Variants in TEX36 observed in about 807,000 individuals in gnomAD.
TEX36 encodes testis expressed 36.
Under a neutral mutation model 13.6 loss-of-function variants are expected in TEX36, and 12 were observed. The ratio of observed to expected loss-of-function variants is 0.88; its 90% CI spans 0.56 to 1.43. TEX36 has a LOEUF of 1.43. TEX36 is among the 40% of genes most tolerant of loss of function. TEX36 has a pLI of 0.00. For synonymous variants in TEX36, 93 were observed against 83.0 expected (o/e 1.12, Z -0.65); for missense variants, 224 against 228.3 (o/e 0.98, Z 0.12).
intron 3 of TEX36, among the ~76,000 whole-genome samples, chr10:125,644,226 GGAA>G (rs1846733506): frequency 6.6e-6 from 1 of 152,178 alleles, no homozygotes; most frequent in Non-Finnish European, 1.5e-5. Context: ...TTAGTAAGCT[GGAA>G]GATGAAGTTC....
At chr10:125,601,832 C>T (rs1846151531) in intron 3 of TEX36, among the ~76,000 whole-genome samples, 1 of 152,180 alleles carries the variant, frequency 6.6e-6, no homozygotes, top group South Asian at 2.1e-4. Flanking sequence ...GACCTGCTAA[C>T]CAGTTGGAGG....
chr10:125,613,081 A>T (rs934379737), intron 3 of TEX36, among the ~76,000 whole-genome samples: 1 of 151,978 alleles, frequency 6.6e-6, no homozygotes, highest in South Asian at 2.1e-4. Context: ...GACTGAGAGC[A>T]GAACAGTAGC....
intron 3 of TEX36, among the ~76,000 whole-genome samples, chr10:125,658,835 C>T (rs867664169): frequency 7.9e-5 from 12 of 151,856 alleles, no homozygotes; most frequent in Non-Finnish European, 1.6e-4. Flanking sequence ...ATAATGAGAC[C>T]TTAATTGGAA....
At chr10:125,588,722 C>A (rs1361898810) in intron 3 of TEX36, among the ~76,000 whole-genome samples, 1 of 152,236 alleles carries the variant, frequency 6.6e-6, no homozygotes, top group Non-Finnish European at 1.5e-5. Flanking sequence ...TCAAGCGATT[C>A]TCCTGCCTCA....
intron 3 of TEX36, among the ~76,000 whole-genome samples, chr10:125,610,584 T>C (rs570777931): frequency 6.6e-6 from 1 of 151,372 alleles, no homozygotes; most frequent in East Asian, 1.9e-4. Context: ...CTTCCTCTTT[T>C]CTATGCGTTG....
chr10:125,609,825 A>G (rs1307323661), intron 3 of TEX36, among the ~76,000 whole-genome samples: 2 of 152,198 alleles, frequency 1.3e-5, no homozygotes, highest in African/African-American at 4.8e-5. Flanking sequence ...CAAATTTAGT[A>G]TGGGGTTATA....
intron 3 of TEX36, among the ~76,000 whole-genome samples, chr10:125,590,143 C>T (rs891156213): frequency 1.1e-4 from 17 of 152,076 alleles, no homozygotes; most frequent in Non-Finnish European, 1.5e-4. Flanking sequence ...GAGACAGGCT[C>T]TTGCTCTGTC....
intron 3 of TEX36, among the ~76,000 whole-genome samples, chr10:125,602,506 C>G (rs896885625): frequency 2.6e-5 from 4 of 152,166 alleles, no homozygotes; most frequent in African/African-American, 9.7e-5. Flanking sequence ...CAGGCAAGCC[C>G]CATCTGATTC....
chr10:125,663,065 T>G (rs1456246347), intron 1 of TEX36, among the ~76,000 whole-genome samples: 1 of 152,216 alleles, frequency 6.6e-6, no homozygotes, highest in Non-Finnish European at 1.5e-5. Context: ...GGTCAGAGGC[T>G]GGACATTCAG....
chr10:125,672,161 T>A (rs1025690283), intron 1 of TEX36, among the ~76,000 whole-genome samples: 16 of 152,110 alleles, frequency 1.1e-4, no homozygotes, highest in Non-Finnish European at 8.8e-5. Flanking sequence ...TTATTTCTTG[T>A]CTTCTGCTAG....
At chr10:125,667,816 C>A in intron 1 of TEX36, 1 of 1,242,668 alleles carries the variant, frequency 8.0e-7, no homozygotes. Flanking sequence ...CGTTAAGGGA[C>A]TGCAGCCGCT....
Position 125,673,732 on chromosome 10 carries a change from AAG to A in TEX36, c.51+9205_51+9206del, listed in dbSNP as rs199747663. On this transcript the variant is annotated intron_variant, in intron 1 of 3. Coordinates refer to ENST00000368821, the MANE Select transcript of TEX36 (RefSeq NM_001128202.3). ...TCTCAAAAAAAAAAAAAAAAAAAAAAAGGTTGAATATTGACCCCCAGTCTCTT... is the reference window on the plus strand; with the variant it reads ...TCTCAAAAAAAAAAAAAAAAAAAAAAGTTGAATATTGACCCCCAGTCTCTT... Among the ~76,000 whole-genome samples, 1,136 of 142,134 alleles carry A rather than the reference AAG, an allele frequency of 8.0e-3. 12 individuals carry two copies. The highest frequency in any genetic ancestry group is 0.03 in the African/African-American group (1,046 of 35,384). The allele number at this position is 142,134 out of a possible 152,430, so 93.2% of individuals were successfully genotyped here.
At chr10:125,668,504 C>T (rs960362149) in intron 1 of TEX36, among the ~76,000 whole-genome samples, 5 of 151,834 alleles carry the variant, frequency 3.3e-5, no homozygotes, top group Non-Finnish European at 7.4e-5. Context: ...AGATCTCCAA[C>T]TTTTTATTTA....
At chr10:125,592,158 C>A (rs1386913010) in intron 3 of TEX36, among the ~76,000 whole-genome samples, 2 of 152,154 alleles carry the variant, frequency 1.3e-5, no homozygotes, top group African/African-American at 4.8e-5. Context: ...GAGAAATGCC[C>A]AACTTTTTTG....
rs1847346482 is a variant in TEX36 at position 125,678,648 on chromosome 10, G to A, written c.51+4291C>T. On this transcript the variant is annotated intron_variant, in intron 1 of 3. Transcript: ENST00000368821. ...TTTTGGGTCCTGAGTGGTGTGCATT[G>A]ATGTTGGCAGTGGTTGCGATGGGCT... Among the ~76,000 whole-genome samples the A allele has an allele frequency of 2.0e-5, 3 of 152,106 alleles. No individual in the cohort carries two copies. The South Asian group carries it at 6.2e-4, about 32-fold the overall frequency.
chr10:125,657,798 C>T (rs1443457203), intron 3 of TEX36, among the ~76,000 whole-genome samples: 2 of 152,126 alleles, frequency 1.3e-5, no homozygotes, highest in African/African-American at 4.8e-5. Context: ...CACAGCAGCC[C>T]TGGAACAGGA....
intron 1 of TEX36, among the ~76,000 whole-genome samples, chr10:125,671,503 C>G (rs1206173687): frequency 6.6e-6 from 1 of 152,138 alleles, no homozygotes; most frequent in Non-Finnish European, 1.5e-5. Context: ...GGTGGATAAG[C>G]TTTTTGATGT....
At chr10:125,654,811 G>A (rs539493206), downstream of TEX36, among the ~76,000 whole-genome samples, 4 of 152,120 alleles carry the variant, frequency 2.6e-5, no homozygotes, top group Non-Finnish European at 5.9e-5. Flanking sequence ...TCACAGGTAC[G>A]GTTGGTAGGA....
intron 2 of TEX36, 63 bp from the exon 3 acceptor site, chr10:125,661,164 G>A: frequency 7.4e-7 from 1 of 1,347,782 alleles, no homozygotes; most frequent in Non-Finnish European, 1.0e-6. Flanking sequence ...TCAGAACTGG[G>A]ATCGGGTGAT....
Sources: allele counts gnomAD v4.1 joint callset (sites outside exome capture counted in the v4.1 genomes callset), GRCh38; gene constraint gnomAD v4.1.1; transcripts MANE v1.5; gene names NCBI Gene and HGNC (gene_info 2026-07-23, HGNC 2026-07-21).